The following MAGI2 variants were observed in gnomAD, a reference collection of about 807,000 sequenced individuals.
The protein encoded by MAGI2 is membrane associated guanylate kinase, WW and PDZ domain containing 2, also known as membrane-associated guanylate kinase, WW and PDZ domain-containing protein 2.
Under a neutral mutation model 133.3 loss-of-function variants are expected in MAGI2, and 35 were observed. The ratio of observed to expected loss-of-function variants is 0.26; its 90% CI spans 0.20 to 0.35. The LOEUF (loss-of-function observed/expected upper bound fraction) is 0.35, where lower values mean the gene tolerates loss of function less well. Among genes scored for constraint, MAGI2 ranks in the 10% least tolerant of loss-of-function variants. The pLI, the probability that MAGI2 is intolerant of heterozygous loss-of-function variation, is 1.00. For synonymous variants in MAGI2, 729 were observed against 710.6 expected (o/e 1.03, Z -0.41); for missense variants, 1,636 against 1,863.4 (o/e 0.88, Z 2.25).
chr7:78,948,544 G>A lies in MAGI2; in HGVS notation c.418+58546C>T, dbSNP rs181696607. ...TGACTTTAAGTAGCCACATCTTGTA[G>A]ACAGTTAAAAGTATTTATTGACAGA... On this transcript the variant is annotated intron_variant, in intron 2 of 21. Coordinates refer to ENST00000354212, the MANE Select transcript of MAGI2 (RefSeq NM_012301.4). Among the ~76,000 whole-genome samples the A allele has an allele frequency of 6.6e-5, 10 of 152,180 alleles. No homozygotes were observed. The East Asian group carries it at 1.9e-3, about 29-fold the overall frequency.
chr7:78,808,288 G>A (rs781013654), intron 2 of MAGI2, among the ~76,000 whole-genome samples: 3 of 151,816 alleles, frequency 2.0e-5, no homozygotes, highest in Non-Finnish European at 4.4e-5. Flanking sequence ...ACAGAGTCTC[G>A]CTCTGTCACC....
intron 1 of MAGI2, among the ~76,000 whole-genome samples, chr7:79,149,165 T>C (rs1822957785): frequency 6.9e-6 from 1 of 145,952 alleles, no homozygotes; most frequent in South Asian, 2.1e-4. Context: ...ATATATTATA[T>C]ATATAGACAG....
chr7:79,136,040 A>AGAAG (rs1562929023), intron 1 of MAGI2, among the ~76,000 whole-genome samples: 24 of 139,458 alleles, frequency 1.7e-4, no homozygotes, highest in African/African-American at 2.7e-4. Context: ...AAAGAAAGAA[A>AGAAG]GAAAGAAGGA....
At chr7:78,356,322 G>A (rs1350780599) in intron 7 of MAGI2, among the ~76,000 whole-genome samples, 1 of 152,166 alleles carries the variant, frequency 6.6e-6, no homozygotes, top group Non-Finnish European at 1.5e-5. Context: ...GTTCTTCTGA[G>A]GGCCAGTGAT....
chr7:78,723,043 G>T (rs1820414816), intron 2 of MAGI2, among the ~76,000 whole-genome samples: 1 of 152,240 alleles, frequency 6.6e-6, no homozygotes, highest in East Asian at 1.9e-4. Context: ...AGAGAAAATG[G>T]TTAGTAAATC....
chr7:78,741,204 G>A (rs560070370), intron 2 of MAGI2, among the ~76,000 whole-genome samples: 1 of 151,974 alleles, frequency 6.6e-6, no homozygotes, highest in Non-Finnish European at 1.5e-5. Context: ...TTCTTGTTGG[G>A]TAATCTAAGA....
In MAGI2 at chr7:78,019,529, G is replaced by A; in HGVS notation, c.4154C>T (p.Ala1385Val). 1.0e-6 allele frequency: 1 copy of A among 979,836 alleles called. No homozygotes were observed. The highest frequency in any genetic ancestry group is 1.2e-6 in the Non-Finnish European group (1 of 827,800). The allele number at this position is 979,836 out of a possible 1,614,324, so 60.7% of individuals were successfully genotyped here. A position where few individuals can be genotyped will look rare whatever the true frequency, so the allele number is the denominator to read the frequency against. Residue 1385 changes from alanine (A) to valine (V), a missense_variant, in exon 22 of 22, where the codon GCT becomes GTT. Physicochemically the swap from Ala to Val is moderately conservative, Grantham distance 64 (BLOSUM62 0). Around this residue, in one of 5 missense-constraint regions of MAGI2, gnomAD observed 354 missense variants for 298.7 expected, o/e 1.19. Coordinates refer to ENST00000354212, the MANE Select transcript of MAGI2 (RefSeq NM_012301.4). ...SELCRREGPG[A>V]APAFAGPGGG... Reference sequence around the variant, plus strand: ...GCCCGGGCCGGCAAACGCCGGCGCAGCCCCCGGGCCTTCGCGCCGGCAGAG... The same window carrying A: ...GCCCGGGCCGGCAAACGCCGGCGCAACCCCCGGGCCTTCGCGCCGGCAGAG...
At chr7:78,395,874 T>G (rs1476221701) in intron 6 of MAGI2, among the ~76,000 whole-genome samples, 1 of 152,172 alleles carries the variant, frequency 6.6e-6, no homozygotes, top group Non-Finnish European at 1.5e-5. Flanking sequence ...GGACTAAAAA[T>G]AGATATTATC....
chr7:78,838,426 A>C (rs1791843614), intron 2 of MAGI2, among the ~76,000 whole-genome samples: 1 of 151,928 alleles, frequency 6.6e-6, no homozygotes, highest in African/African-American at 2.4e-5. Flanking sequence ...TGTCAAATCT[A>C]CCAATTCATT....
chr7:79,196,188 T>C (rs554279529), intron 1 of MAGI2, among the ~76,000 whole-genome samples: 4 of 151,892 alleles, frequency 2.6e-5, no homozygotes, highest in Admixed American at 2.0e-4. Flanking sequence ...TAACATGTTG[T>C]ACATGGTAAA....
chr7:78,168,383 CT>C (rs1472848285), intron 14 of MAGI2, among the ~76,000 whole-genome samples: 1 of 152,160 alleles, frequency 6.6e-6, no homozygotes, highest in Non-Finnish European at 1.5e-5. Flanking sequence ...GAAAGATGCC[CT>C]TTCAACTCTT....
At chr7:79,280,742 G>A (rs1835573034) in intron 1 of MAGI2, among the ~76,000 whole-genome samples, 4 of 151,362 alleles carry the variant, frequency 2.6e-5, no homozygotes, top group Non-Finnish European at 5.9e-5. Flanking sequence ...TAAGGAACAC[G>A]GCAAGATCAC....
intron 1 of MAGI2, among the ~76,000 whole-genome samples, chr7:79,140,927 TG>T (rs1160352434): frequency 2.0e-5 from 3 of 152,210 alleles, no homozygotes; most frequent in Admixed American, 2.0e-4. Context: ...TCCTTTGGTT[TG>T]GTTATAGCAT....
chr7:78,821,486 C>T (rs1374978973), intron 2 of MAGI2, among the ~76,000 whole-genome samples: 1 of 151,860 alleles, frequency 6.6e-6, no homozygotes, highest in Non-Finnish European at 1.5e-5. Context: ...TGAAAACACA[C>T]GTTTTAAATG....
intron 9 of MAGI2, among the ~76,000 whole-genome samples, chr7:78,263,383 T>TCTA (rs376463131): frequency 1.3e-5 from 2 of 152,176 alleles, no homozygotes; most frequent in African/African-American, 2.4e-5. Context: ...CTTTCTTTTT[T>TCTA]CTACTACTAC....
chr7:78,892,688 G>T lies in MAGI2; in HGVS notation c.418+114402C>A, dbSNP rs564008004. ...ACTGGCTAGCCATATGTAGAAAGCT[G>T]AAACTGGATCCCTTCCTTACACCTT... On this transcript the variant is annotated intron_variant, in intron 2 of 21. Coordinates refer to ENST00000354212, the MANE Select transcript of MAGI2 (RefSeq NM_012301.4). 1.4e-3 allele frequency among the ~76,000 whole-genome samples: 209 copies of T among 152,296 alleles called. 2 individuals carry two copies. Among genetic ancestry groups the T allele is most frequent in the African/African-American group, 4.7e-3 (195 of 41,560 alleles).
chr7:78,294,463 C>A (rs181132392), intron 9 of MAGI2, among the ~76,000 whole-genome samples: 57 of 145,388 alleles, frequency 3.9e-4, no homozygotes, highest in Admixed American at 7.0e-4. Flanking sequence ...GGTCTTAACT[C>A]TGTTCTGTGT....
chr7:79,084,039 A>G (rs1816277496), intron 1 of MAGI2, among the ~76,000 whole-genome samples: 1 of 151,492 alleles, frequency 6.6e-6, no homozygotes, highest in Non-Finnish European at 1.5e-5. Context: ...TATTAATTTG[A>G]GTCTTCTTTC....
At chr7:78,368,170 G>T (rs1466566443) in intron 7 of MAGI2, among the ~76,000 whole-genome samples, 2 of 152,198 alleles carry the variant, frequency 1.3e-5, no homozygotes, top group African/African-American at 4.8e-5. Context: ...AGAGCACACA[G>T]ATTTTACTTA....
Sources: gnomAD v4.1 joint callset for allele counts (sites outside exome capture counted in the v4.1 genomes callset) on GRCh38, gnomAD v4.1.1 for gene constraint, gnomAD v4.1.1 regional missense constraint, MANE v1.5 for transcripts, NCBI Gene and HGNC (gene_info 2026-07-23, HGNC 2026-07-21) for gene names.